The following FCRL5 variants were observed in gnomAD, a reference collection of about 807,000 sequenced individuals.
The protein encoded by FCRL5 is Fc receptor like 5, also known as Fc receptor-like protein 5.
Under a neutral mutation model 92.1 loss-of-function variants are expected in FCRL5, and 79 were observed. The observed-to-expected ratio is 0.86, with a 90% confidence interval of 0.72 to 1.03. FCRL5 has a LOEUF of 1.03. Ranked by LOEUF, FCRL5 falls within the 50% of genes least tolerant of loss-of-function variation. The probability of loss-of-function intolerance (pLI) is 0.00; values close to 1 mark genes in which losing one functional copy is unlikely to be tolerated. For synonymous variants in FCRL5, 466 were observed against 469.3 expected, an observed-to-expected ratio of 0.99 and a Z score of 0.09; for missense variants, 1,160 against 1,181.1, an observed-to-expected ratio of 0.98 and a Z score of 0.26.
intron 7 of FCRL5, 37 bp downstream of exon 7, chr1:157,539,049 G>A (rs371704596): frequency 1.7e-5 from 27 of 1,600,332 alleles, no homozygotes; most frequent in Non-Finnish European, 2.3e-5. Context: ...AGGACTCTTG[G>A]CCAGGGGTGG....
intron 12 of FCRL5, 131 bp from the exon 13 acceptor site, chr1:157,519,901 C>T: frequency 1.1e-6 from 1 of 939,362 alleles, no homozygotes; most frequent in Non-Finnish European, 1.7e-6. Context: ...TTTGTTATGC[C>T]CCAGGGAGGT....
chr1:157,515,833 G>T lies in FCRL5; in HGVS notation c.2844+9C>A, dbSNP rs925691199. ...GGGTGGGGGAGGGCATGCAGAAGGG[G>T]AGACTCACCTTGTTCCTGAGATGCC... On this transcript the variant is annotated intron_variant, in intron 16 of 16. Transcript: ENST00000361835. 3.7e-6 allele frequency: 6 copies of T among 1,614,082 alleles called. No homozygotes were observed. Among genetic ancestry groups the T allele is most frequent in the East Asian group, 2.2e-5 (1 of 44,880 alleles).
chr1:157,535,959 T>TTTTTTTTTTTTTTTG (rs1558135559), intron 7 of FCRL5, among the ~76,000 whole-genome samples: 1 of 148,564 alleles, frequency 6.7e-6, no homozygotes. Flanking sequence ...TTTTTTTTTT[T>TTTTTTTTTTTTTTTG]GAGATGGAGT....
intron 1 of FCRL5, 94 bp from the exon 2 acceptor site, chr1:157,549,674 G>T: frequency 9.1e-7 from 1 of 1,104,500 alleles, no homozygotes; most frequent in Non-Finnish European, 1.3e-6. Context: ...TGTATTACTT[G>T]TCCCTTTAAA....
intron 8 of FCRL5, chr1:157,532,719 G>C (rs1650754531): frequency 6.6e-6 from 1 of 152,164 alleles, no homozygotes; most frequent in Admixed American, 6.5e-5. Flanking sequence ...GGCCCCATCT[G>C]TGAGATTCTG....
In FCRL5 at chr1:157,516,217, G is replaced by A. The variant is rs899253024; in HGVS notation, c.2813-344C>T. On this transcript the variant is annotated intron_variant, in intron 15 of 16. Coordinates refer to ENST00000361835, the MANE Select transcript of FCRL5 (RefSeq NM_031281.3). The stretch of plus-strand genomic sequence containing the variant: ...AGGTGTGGTGGGTGCAAGTTTTAGA[G>A]AGCACACTCCATCAGGGTCTAGACC... 7 of 411,884 alleles carry A rather than the reference G, an allele frequency of 1.7e-5. No homozygotes were observed. The South Asian group carries it at 1.8e-4, about 10-fold the overall frequency. 25.5% of individuals were successfully genotyped at this position (411,884 alleles called of 1,614,324 possible).
At chr1:157,519,673 C>T in intron 13 of FCRL5, 70 bp downstream of exon 13, 1 of 1,525,112 alleles carries the variant, frequency 6.6e-7, no homozygotes, top group Non-Finnish European at 9.1e-7. Context: ...TGGTAATCAT[C>T]AGATTCAATT....
chr1:157,517,103 G>A lies in FCRL5; in HGVS notation c.2813-1230C>T, dbSNP rs76160667. On this transcript the variant is annotated intron_variant, in intron 15 of 16. Coordinates refer to ENST00000361835, the MANE Select transcript of FCRL5 (RefSeq NM_031281.3). ...GCAGAGGTAGAAAGAAAAGCCTGCC[G>A]TGAAGGACTTTGTTCCTCTTTCCTG... 6.5e-3 allele frequency among the ~76,000 whole-genome samples: 995 copies of A among 152,288 alleles called. 33 individuals are homozygous for A. The East Asian group carries it at 0.12, about 19-fold the overall frequency.
chr1:157,534,607 C>T lies in FCRL5; in HGVS notation c.1681+7G>A, dbSNP rs771447766. On this transcript the variant is annotated splice_region_variant and intron_variant, in intron 8 of 16. Coordinates refer to ENST00000361835, the MANE Select transcript of FCRL5 (RefSeq NM_031281.3). Reference sequence around the variant, plus strand: ...GGGTGGGTGACTGGCAAGAACCCAGCACTTACCAGTGACAAAAAGGCTCAC... The same window carrying T: ...GGGTGGGTGACTGGCAAGAACCCAGTACTTACCAGTGACAAAAAGGCTCAC... 1 of 1,614,122 alleles carries T rather than the reference C, an allele frequency of 6.2e-7. No individual in the cohort carries two copies. The highest frequency in any genetic ancestry group is 8.5e-7 in the Non-Finnish European group (1 of 1,179,998).
rs1026749274 is a variant in FCRL5, at chr1:157,524,370, A to C, written c.2148T>G (p.Ser716=). 6.2e-6 allele frequency: 10 copies of C among 1,614,122 alleles called. No individual in the cohort carries two copies. The African/African-American group carries it at 1.3e-4, about 22-fold the overall frequency. ...AGATTCCAGAATGTTCTGTAGTCAG[A>C]GAGAGGTTGAAGGAGGCCCCTCCTC... ...PSGGGASFNL[S]LTTEHSGIYS... Residue 716 remains serine (S), a synonymous_variant, in exon 10 of 17, where the codon TCT becomes TCG. Transcript: ENST00000361835.
At chr1:157,539,900 T>G (rs1651169075) in intron 6 of FCRL5, among the ~76,000 whole-genome samples, 1 of 152,238 alleles carries the variant, frequency 6.6e-6, no homozygotes, top group Non-Finnish European at 1.5e-5. Flanking sequence ...TTACACATAC[T>G]TTTAAAAAAA....
chr1:157,517,826 G>A (rs1176028539), intron 15 of FCRL5, among the ~76,000 whole-genome samples: 1 of 152,148 alleles, frequency 6.6e-6, no homozygotes, highest in Non-Finnish European at 1.5e-5. Context: ...AAATGTATGG[G>A]TTAAAACCTA....
intron 12 of FCRL5, 83 bp downstream of exon 12, chr1:157,520,347 TG>T: frequency 1.1e-6 from 1 of 935,500 alleles, no homozygotes; most frequent in Non-Finnish European, 1.7e-6. Context: ...GAGCCTGGGA[TG>T]GTCACAAAGG....
chr1:157,530,247 T>C (rs1343993523), intron 8 of FCRL5, among the ~76,000 whole-genome samples: 5 of 152,208 alleles, frequency 3.3e-5, no homozygotes, highest in African/African-American at 1.2e-4. Flanking sequence ...TCTGTGGTAT[T>C]ACTTAAAAAT....
In FCRL5 at chr1:157,547,293, G is replaced by T; in HGVS notation, c.53-96C>A. 2.7e-6 allele frequency: 4 copies of T among 1,503,704 alleles called. No individual in the cohort carries two copies. The South Asian group carries it at 3.5e-5, about 13-fold the overall frequency. The allele number at this position is 1,503,704 out of a possible 1,614,324, so 93.1% of individuals were successfully genotyped here. ...ATAGCCTGAAGGACCTGGGTTTGGA[G>T]GATCTGAAAGAGGTCCTCTGGGAGG... On this transcript the variant is annotated intron_variant, in intron 2 of 16. Coordinates refer to ENST00000361835, the MANE Select transcript of FCRL5 (RefSeq NM_031281.3).
chr1:157,519,738 C>T lies in FCRL5; in HGVS notation c.2660+5G>A. On this transcript the variant is annotated splice_donor_5th_base_variant and intron_variant, in intron 13 of 16. Coordinates refer to ENST00000361835, the MANE Select transcript of FCRL5 (RefSeq NM_031281.3). ...AATCACACAGGAATGCAGCTCAGCTCTTACCTGGCGGGGTCAGAGGCAGGC... is the reference window on the plus strand; with the variant it reads ...AATCACACAGGAATGCAGCTCAGCTTTTACCTGGCGGGGTCAGAGGCAGGC... 1.2e-6 allele frequency: 2 copies of T among 1,613,980 alleles called. No homozygotes were observed. The highest frequency in any genetic ancestry group is 1.7e-4 in the Middle Eastern group (1 of 6,024).
At position 157,514,404 on chromosome 1, in the gene FCRL5, G is replaced by A. The variant is rs61087881; in HGVS notation, c.*1271C>T. The A allele has an allele frequency of 0.041, 6,194 of 152,320 alleles. 430 individuals are homozygous for A. Among genetic ancestry groups the A allele is most frequent in the African/African-American group, 0.14 (5,924 of 41,544 alleles). 9.4% of individuals were successfully genotyped at this position (152,320 alleles called of 1,614,324 possible). On this transcript the variant is annotated 3_prime_UTR_variant, in exon 17 of 17. Transcript: ENST00000361835. ...TGGCAGCTACTTTCCGCTTCCCAGG[G>A]TGGCTGATGAAAGCCAACATGTCAC... is the stretch of plus-strand genomic sequence containing the variant.
chr1:157,544,414 T>C lies in FCRL5; in HGVS notation c.692A>G (p.Asp231Gly). 1 of 1,614,188 alleles carries C rather than the reference T, an allele frequency of 6.2e-7. No homozygotes were observed. The highest frequency in any genetic ancestry group is 1.1e-5 in the South Asian group (1 of 91,086). ...CCAGCCTAATCCCAGGGTCTGGTCATCTCTGAAGAAGCGGAACCGGAGCGG... is the reference window on the plus strand; with the variant it reads ...CCAGCCTAATCCCAGGGTCTGGTCACCTCTGAAGAAGCGGAACCGGAGCGG... ...DVPLRFRFFR[D>G]DQTLGLGWSL... Residue 231 changes from aspartate (D) to glycine (G), a missense_variant, in exon 5 of 17, where the codon GAT (aspartate) becomes GGT (glycine). By Grantham distance (94) the Asp-to-Gly change is moderately conservative. Coordinates refer to ENST00000361835, the MANE Select transcript of FCRL5 (RefSeq NM_031281.3).
Position 157,518,715 on chromosome 1 carries a change from G to T in FCRL5, c.2728C>A (p.Pro910Thr), listed in dbSNP as rs1329129027. ...CGGGCCTCACCATTAGTGTACACTG[G>T]TTGCAGCTCTTCCCAGGCTGGTACA... ...HNVPAWEELQPVYTNANPRGE... is the reference protein window; with the variant it reads ...HNVPAWEELQTVYTNANPRGE... Residue 910 changes from proline to threonine, a missense_variant, in exon 14 of 17, where the codon CCA becomes ACA. Coordinates refer to ENST00000361835, the MANE Select transcript of FCRL5 (RefSeq NM_031281.3). 1.2e-6 allele frequency: 2 copies of T among 1,613,304 alleles called. No homozygotes were observed. The highest frequency in any genetic ancestry group is 8.5e-7 in the Non-Finnish European group (1 of 1,179,826).
Sources: allele counts gnomAD v4.1 joint callset (sites outside exome capture counted in the v4.1 genomes callset), GRCh38; gene constraint gnomAD v4.1.1; transcripts MANE v1.5; gene names NCBI Gene and HGNC (gene_info 2026-07-23, HGNC 2026-07-21).